The following CNTNAP3 variants were observed in gnomAD, a reference collection of about 807,000 sequenced individuals.
The protein encoded by CNTNAP3 is contactin associated protein family member 3.
A neutral mutation model predicts 92.1 loss-of-function variants in CNTNAP3; 36 were observed. The ratio of observed to expected loss-of-function variants is 0.39; its 90% CI spans 0.30 to 0.52. The LOEUF (loss-of-function observed/expected upper bound fraction) is 0.52. Among genes scored for constraint, CNTNAP3 ranks in the 20% least tolerant of loss-of-function variants. CNTNAP3 has a pLI of 0.76. For synonymous variants in CNTNAP3, 232 were observed against 422.3 expected (o/e 0.55, Z 5.53); for missense variants, 534 against 1,069.6 (o/e 0.50, Z 6.98).
At chr9:39,139,478 A>G (rs567867457) in intron 12 of CNTNAP3, among the ~76,000 whole-genome samples, 52 of 152,302 alleles carry the variant, frequency 3.4e-4, no homozygotes, top group African/African-American at 1.2e-3. Context: ...CTTTTTGGCA[A>G]TCTTTGCTAA....
At chr9:39,104,043 T>C in intron 15 of CNTNAP3, 129 bp from the exon 16 acceptor site, 1 of 1,440,842 alleles carries the variant, frequency 6.9e-7, no homozygotes, top group Non-Finnish European at 9.2e-7. Context: ...TCACTGGGGG[T>C]TCTGAGCATC....
At chr9:39,077,142 G>C (rs4617284) in intron 23 of CNTNAP3, among the ~76,000 whole-genome samples, 1 of 150,672 alleles carries the variant, frequency 6.6e-6, no homozygotes, top group South Asian at 2.1e-4. Context: ...CTTAGCCTAT[G>C]AGATTAGTTC....
rs1821331017 is a variant in CNTNAP3 at position 39,132,940 on chromosome 9, T to G, written c.2072A>C (p.Asp691Ala). Residue 691 changes from aspartate (D) to alanine (A), a missense_variant, in exon 13 of 24, where the codon GAC becomes GCC. By Grantham distance (126) the Asp-to-Ala change is moderately radical. Coordinates refer to ENST00000297668, the MANE Select transcript of CNTNAP3 (RefSeq NM_033655.5). ...ALRCGTARRP[D>A]SRDGTPLSWW... is the part of the protein sequence containing the mutation. ...CCAGGAGTGGCGCTTACCTCGTGAG[T>G]CCGGGCGCCGCGCCGTCCCGCAGCG... is the stretch of plus-strand genomic sequence containing the variant. 1 of 1,544,854 alleles carries G rather than the reference T, an allele frequency of 6.5e-7. No individual in the cohort carries two copies.
intron 3 of CNTNAP3, among the ~76,000 whole-genome samples, chr9:39,209,626 A>T (rs1291047008): frequency 5.2e-5 from 3 of 57,636 alleles, no homozygotes; most frequent in East Asian, 5.8e-4. Flanking sequence ...TCCCTCCCCC[A>T]CTCCCCTCTC....
rs1378281270 is a variant in CNTNAP3 at position 39,067,467 on chromosome 9, G to C, written c.*6423C>G. On this transcript the variant is annotated 3_prime_UTR_variant, in exon 24 of 24. Coordinates refer to ENST00000297668, the MANE Select transcript of CNTNAP3 (RefSeq NM_033655.5). The stretch of plus-strand genomic sequence containing the variant: ...GGCTGGAGTGCAATGGCGCAATCTC[G>C]GCCCACTGCAAACTCTGCCTCCCGG... Among the ~76,000 whole-genome samples, 1 of 152,304 alleles carries C rather than the reference G, an allele frequency of 6.6e-6. No individual in the cohort carries two copies. Among genetic ancestry groups the C allele is most frequent in the Admixed American group, 6.5e-5 (1 of 15,294 alleles).
intron 14 of CNTNAP3, among the ~76,000 whole-genome samples, chr9:39,112,045 T>TTCTC (rs4062770): frequency 0.28 from 40,482 of 146,414 alleles, 7,830 homozygotes; most frequent in African/African-American, 0.56. Flanking sequence ...CATTTTTCTT[T>TTCTC]TCTATTATTT....
chr9:39,107,726 G>A (rs1403406465), intron 15 of CNTNAP3, among the ~76,000 whole-genome samples: 1 of 152,096 alleles, frequency 6.6e-6, no homozygotes, highest in East Asian at 1.9e-4. Flanking sequence ...AAAGCCATTG[G>A]AAGAAACAGA....
At chr9:39,114,446 G>C (rs1820805441) in intron 14 of CNTNAP3, among the ~76,000 whole-genome samples, 2 of 152,066 alleles carry the variant, frequency 1.3e-5, no homozygotes, top group Admixed American at 1.3e-4. Flanking sequence ...TCTTTCTAGT[G>C]AGTTTATCTC....
intron 13 of CNTNAP3, among the ~76,000 whole-genome samples, chr9:39,119,330 CACT>C (rs1820945538): frequency 1.4e-5 from 2 of 143,666 alleles, no homozygotes; most frequent in African/African-American, 5.3e-5. Context: ...TTACCACCAC[CACT>C]ATCCATCACC....
intron 18 of CNTNAP3, among the ~76,000 whole-genome samples, chr9:39,095,313 T>TGAA (rs1826299708): frequency 6.6e-6 from 1 of 151,774 alleles, no homozygotes; most frequent in Non-Finnish European, 1.5e-5. Flanking sequence ...GGATGCCTTC[T>TGAA]ATTTCTTCTT....
intron 22 of CNTNAP3, 87 bp downstream of exon 22, chr9:39,078,603 G>A (rs552903223): frequency 1.0e-5 from 16 of 1,548,558 alleles, no homozygotes; most frequent in African/African-American, 8.2e-5. Context: ...AAGGATGACA[G>A]AGACGGAGAA....
Position 39,085,769 on chromosome 9 carries a change from C to A in CNTNAP3, c.3409G>T (p.Ala1137Ser), listed in dbSNP as rs767541305. The A allele has an allele frequency of 1.7e-5, 27 of 1,566,842 alleles. No homozygotes were observed. Among genetic ancestry groups the A allele is most frequent in the Non-Finnish European group, 2.4e-5 (27 of 1,148,118 alleles). ...VILSSGTEFN[A>S]VKSLILGKVL... The stretch of plus-strand genomic sequence containing the variant: ...TTTCCCAATATGAGAGATTTGACGG[C>A]GTTGAATTCTGTCCCTGAGGACAAG... The change falls in exon 21 of 24, where the codon GCC (alanine) becomes TCC (serine). Residue 1137 changes from alanine to serine, a missense_variant. Physicochemically the swap from Ala to Ser is moderately conservative, Grantham distance 99 (BLOSUM62 1). Coordinates refer to ENST00000297668, the MANE Select transcript of CNTNAP3 (RefSeq NM_033655.5).
chr9:39,087,477 G>T (rs909109575), intron 19 of CNTNAP3, among the ~76,000 whole-genome samples: 1 of 142,966 alleles, frequency 7.0e-6, no homozygotes, highest in South Asian at 2.3e-4. Flanking sequence ...CCTGTTAATC[G>T]GAGATTTTTT....
chr9:39,110,172 G>T (rs1826709391), intron 14 of CNTNAP3, among the ~76,000 whole-genome samples: 1 of 152,262 alleles, frequency 6.6e-6, no homozygotes, highest in South Asian at 2.1e-4. Context: ...GGGGTGGGCA[G>T]ATTGCTTGAG....
At chr9:39,123,213 GC>G (rs1821077098) in intron 13 of CNTNAP3, among the ~76,000 whole-genome samples, 1 of 150,750 alleles carries the variant, frequency 6.6e-6, no homozygotes. Context: ...TCCTGCCTCA[GC>G]CTCCCGAGTA....
intron 18 of CNTNAP3, among the ~76,000 whole-genome samples, chr9:39,096,024 C>T (rs10115824): frequency 0.16 from 23,694 of 151,164 alleles, 2,644 homozygotes; most frequent in African/African-American, 0.31. Flanking sequence ...CTCATGTTAC[C>T]ATTTGGTGTC....
intron 11 of CNTNAP3, among the ~76,000 whole-genome samples, chr9:39,142,324 T>A (rs1488235921): frequency 1.3e-5 from 2 of 152,138 alleles, no homozygotes; most frequent in Admixed American, 1.3e-4. Context: ...ACCAACTCTA[T>A]GACCTTATCA....
rs2118317838 is a variant in CNTNAP3 at position 39,065,597 on chromosome 9, T to C, written c.*8293A>G. 6.6e-6 allele frequency among the ~76,000 whole-genome samples: 1 copy of C among 152,294 alleles called. No homozygotes were observed. The highest frequency in any genetic ancestry group is 2.1e-4 in the South Asian group (1 of 4,816). On this transcript the variant is annotated 3_prime_UTR_variant, in exon 24 of 24. Transcript: ENST00000297668. ...CATTTTACATTCCAACAATAATGTA[T>C]GAGAATTATAATTGCTCCATATTCT... is the stretch of plus-strand genomic sequence containing the variant.
At chr9:39,094,043 A>C (rs1413593876) in intron 18 of CNTNAP3, among the ~76,000 whole-genome samples, 1 of 151,092 alleles carries the variant, frequency 6.6e-6, no homozygotes, top group African/African-American at 2.4e-5. Context: ...GTTTTTATTT[A>C]TTTATTTATT....
Sources: allele counts gnomAD v4.1 joint callset (sites outside exome capture counted in the v4.1 genomes callset), GRCh38; gene constraint gnomAD v4.1.1; transcripts MANE v1.5; gene names NCBI Gene and HGNC (gene_info 2026-07-23, HGNC 2026-07-21).